Variants in NAALADL2 observed in about 807,000 individuals in gnomAD.
NAALADL2 encodes N-acetylated alpha-linked acidic dipeptidase like 2.
In NAALADL2, 76 loss-of-function variants were observed where a neutral mutation model predicts 87.2. The ratio of observed to expected loss-of-function variants is 0.87; its 90% confidence interval spans 0.72 to 1.05. NAALADL2 has a LOEUF of 1.05. Among genes scored for constraint, NAALADL2 ranks in the 50% least tolerant of loss-of-function variants. NAALADL2 has a pLI of 0.00. For synonymous variants in NAALADL2, 354 were observed against 331.0 expected (o/e 1.07, Z -0.75); for missense variants, 1,089 against 945.8 (o/e 1.15, Z -1.99).
intron 2 of NAALADL2, among the ~76,000 whole-genome samples, chr3:174,709,435 A>G (rs190942614): frequency 3.2e-3 from 487 of 152,224 alleles, no homozygotes; most frequent in African/African-American, 0.011. Context: ...AATTTTCTGT[A>G]GTGACAAATT....
chr3:175,249,575 C>T (rs1186597967), intron 3 of NAALADL2, among the ~76,000 whole-genome samples: 1 of 152,030 alleles, frequency 6.6e-6, no homozygotes, highest in Non-Finnish European at 1.5e-5. Flanking sequence ...TCACATATAT[C>T]TCAATGAATA....
intron 1 of NAALADL2, among the ~76,000 whole-genome samples, chr3:175,045,682 G>A (rs980528981): frequency 6.6e-6 from 1 of 152,078 alleles, no homozygotes; most frequent in African/African-American, 2.4e-5. Context: ...TCTGAGTCAC[G>A]CAGGGTGGCA....
intron 2 of NAALADL2, among the ~76,000 whole-genome samples, chr3:175,186,229 A>G (rs781075741): frequency 2.7e-4 from 41 of 152,048 alleles, no homozygotes; most frequent in Non-Finnish European, 5.0e-4. Context: ...TTCATTATAC[A>G]ATAATCTTAC....
chr3:174,741,058 G>A (rs1437767254), intron 3 of NAALADL2, among the ~76,000 whole-genome samples: 1 of 151,696 alleles, frequency 6.6e-6, no homozygotes, highest in South Asian at 2.1e-4. Context: ...TAATTCAATA[G>A]GAAAATAAAA....
At chr3:174,916,155 C>T (rs1020629731) in intron 1 of NAALADL2, among the ~76,000 whole-genome samples, 1 of 152,148 alleles carries the variant, frequency 6.6e-6, no homozygotes, top group African/African-American at 2.4e-5. Flanking sequence ...CAAATTAAAA[C>T]CATGATGAGA....
At chr3:175,219,469 C>A (rs532191860) in intron 2 of NAALADL2, among the ~76,000 whole-genome samples, 1 of 152,128 alleles carries the variant, frequency 6.6e-6, no homozygotes, top group Non-Finnish European at 1.5e-5. Context: ...ATATCTTGAA[C>A]TCTATTGATT....
chr3:175,454,193 CTT>C (rs1721989826), intron 6 of NAALADL2, among the ~76,000 whole-genome samples: 1 of 151,960 alleles, frequency 6.6e-6, no homozygotes, highest in Admixed American at 6.6e-5. Context: ...TGTACTTAGG[CTT>C]ATAGTTTTCA....
chr3:175,676,194 T>G lies in NAALADL2; in HGVS notation c.1896+48808T>G, dbSNP rs979281852. ...TCCATCTCTCCCTCCAAATAACATT[T>G]GTGGTCTCTTGCAAGCACTACTATA... On this transcript the variant is annotated intron_variant, in intron 11 of 13. Coordinates refer to ENST00000454872, the MANE Select transcript of NAALADL2 (RefSeq NM_207015.3). 11 of 152,158 alleles carry G rather than the reference T, an allele frequency of 7.2e-5. 1 individual carries two copies. The highest frequency in any genetic ancestry group is 6.6e-5 in the Admixed American group (1 of 15,266). 9.4% of individuals were successfully genotyped at this position (152,158 alleles called of 1,614,324 possible).
chr3:175,797,280 A>G (rs1026883280), intron 13 of NAALADL2, among the ~76,000 whole-genome samples: 1 of 152,156 alleles, frequency 6.6e-6, no homozygotes, highest in Admixed American at 6.5e-5. Context: ...GGTGGAATTA[A>G]TGTTATTTTA....
intron 1 of NAALADL2, among the ~76,000 whole-genome samples, chr3:174,982,195 T>C (rs1051307695): frequency 6.6e-6 from 1 of 152,134 alleles, no homozygotes; most frequent in African/African-American, 2.4e-5. Flanking sequence ...GATAGTCTGG[T>C]TGAATCCAGA....
intron 1 of NAALADL2, among the ~76,000 whole-genome samples, chr3:174,982,802 ATTTTT>A (rs1317804962): frequency 6.7e-6 from 1 of 149,302 alleles, no homozygotes; most frequent in Non-Finnish European, 1.5e-5. Context: ...CCAGGTTAAA[ATTTTT>A]TTTTTTTTGA....
intron 1 of NAALADL2, among the ~76,000 whole-genome samples, chr3:175,062,520 G>A (rs1338983355): frequency 2.7e-5 from 4 of 146,298 alleles, no homozygotes; most frequent in Admixed American, 7.0e-5. Flanking sequence ...GTGTGTGTGT[G>A]TGTGTTTCCA....
At chr3:175,071,697 G>T (rs547544856) in intron 1 of NAALADL2, among the ~76,000 whole-genome samples, 3 of 151,914 alleles carry the variant, frequency 2.0e-5, no homozygotes, top group South Asian at 4.1e-4. Flanking sequence ...CCAATGCCTG[G>T]TATCAAAACA....
chr3:175,633,549 T>G (rs2149734928), intron 11 of NAALADL2, among the ~76,000 whole-genome samples: 1 of 152,054 alleles, frequency 6.6e-6, no homozygotes, highest in African/African-American at 2.4e-5. Flanking sequence ...AGGTAGTACC[T>G]TTCATCTGGC....
At chr3:175,024,217 T>C (rs1751931574) in intron 1 of NAALADL2, among the ~76,000 whole-genome samples, 2 of 152,066 alleles carry the variant, frequency 1.3e-5, no homozygotes, top group African/African-American at 2.4e-5. Context: ...TGTAAACTAA[T>C]ATCATTAAAG....
intron 2 of NAALADL2, among the ~76,000 whole-genome samples, chr3:174,553,766 T>C: frequency 6.6e-6 from 1 of 152,176 alleles, no homozygotes; most frequent in Non-Finnish European, 1.5e-5. Flanking sequence ...AAGTTGAGTA[T>C]ATGTGGTTTG....
intron 3 of NAALADL2, among the ~76,000 whole-genome samples, chr3:174,757,497 C>CT (rs112050881): frequency 8.1e-4 from 117 of 144,308 alleles, no homozygotes; most frequent in South Asian, 1.5e-3. Flanking sequence ...GATAACTTTT[C>CT]TTTTTTTTTT....
chr3:175,142,187 A>G (rs1329818331), intron 2 of NAALADL2, among the ~76,000 whole-genome samples: 3 of 152,086 alleles, frequency 2.0e-5, no homozygotes. Flanking sequence ...TCATTGAATA[A>G]ATTTAACCAT....
intron 2 of NAALADL2, among the ~76,000 whole-genome samples, chr3:174,720,920 G>A (rs775172682): frequency 1.3e-5 from 2 of 152,136 alleles, no homozygotes; most frequent in African/African-American, 4.8e-5. Context: ...CACAAAATGT[G>A]TGTTTCCGGT....
Sources: allele counts gnomAD v4.1 joint callset (sites outside exome capture counted in the v4.1 genomes callset), GRCh38; gene constraint gnomAD v4.1.1; transcripts MANE v1.5; gene names NCBI Gene and HGNC (gene_info 2026-07-23, HGNC 2026-07-21).